Variants in NRXN1 observed in about 807,000 individuals in gnomAD.
NRXN1 encodes neurexin 1.
A neutral mutation model predicts 150.9 loss-of-function variants in NRXN1; 39 were observed. The observed-to-expected ratio is 0.26, with a 90% CI of 0.20 to 0.34. The LOEUF (loss-of-function observed/expected upper bound fraction) is 0.34. NRXN1 is among the 10% of genes least tolerant of loss of function. NRXN1 has a pLI of 1.00. For missense variants in NRXN1, 1,815 were observed against 1,949.9 expected (o/e 0.93, Z 1.30); for synonymous variants, 924 against 757.0 (o/e 1.22, Z -3.62).
At chr2:50,089,285 G>C (rs1178904817) in intron 19 of NRXN1, among the ~76,000 whole-genome samples, 1 of 152,112 alleles carries the variant, frequency 6.6e-6, no homozygotes, top group African/African-American at 2.4e-5. Context: ...ATAGTAACAG[G>C]ATTTATCATT....
At chr2:50,592,754 G>A (rs777796374) in intron 8 of NRXN1, among the ~76,000 whole-genome samples, 1 of 152,140 alleles carries the variant, frequency 6.6e-6, no homozygotes, top group Admixed American at 6.5e-5. Flanking sequence ...CTAGTTCAGG[G>A]GAAAAGATGC....
intron 17 of NRXN1, among the ~76,000 whole-genome samples, chr2:50,340,097 C>T (rs2077450893): frequency 3.9e-5 from 6 of 152,160 alleles, no homozygotes; most frequent in Admixed American, 3.9e-4. Flanking sequence ...ATCATCACCT[C>T]TTTAAATTTG....
chr2:51,031,910 T>A (rs1298878026), intron 1 of NRXN1, 71 bp downstream of exon 1: 3 of 152,010 alleles, frequency 2.0e-5, no homozygotes, highest in Admixed American at 1.3e-4. Flanking sequence ...TCAGTTACAA[T>A]GGGGAAAGAT....
At chr2:51,030,083 G>A (rs1268217729) in intron 1 of NRXN1, among the ~76,000 whole-genome samples, 2 of 150,966 alleles carry the variant, frequency 1.3e-5, no homozygotes, top group South Asian at 2.1e-4. Context: ...ACAGGTTCTT[G>A]AAATGGTACA....
intron 18 of NRXN1, among the ~76,000 whole-genome samples, chr2:50,142,820 G>C (rs1288060049): frequency 6.6e-6 from 1 of 151,616 alleles, no homozygotes; most frequent in East Asian, 1.9e-4. Context: ...GGCATTAAGG[G>C]AGATCAGATA....
chr2:50,251,877 TTTTG>T (rs979467563), intron 17 of NRXN1, among the ~76,000 whole-genome samples: 18 of 152,262 alleles, frequency 1.2e-4, no homozygotes, highest in African/African-American at 3.9e-4. Context: ...TTTAATGTTT[TTTTG>T]TTTGTTTGTT....
intron 2 of NRXN1, among the ~76,000 whole-genome samples, chr2:50,949,636 T>C (rs1007406126): frequency 1.3e-5 from 2 of 152,066 alleles, no homozygotes; most frequent in East Asian, 1.9e-4. Flanking sequence ...ATACATGGTG[T>C]GGTTTCATTC....
At chr2:50,544,898 G>C (rs1446068813) in intron 9 of NRXN1, among the ~76,000 whole-genome samples, 4 of 152,046 alleles carry the variant, frequency 2.6e-5, no homozygotes, top group Non-Finnish European at 5.9e-5. Context: ...TTCAAACTAA[G>C]GTATGTATGG....
intron 5 of NRXN1, among the ~76,000 whole-genome samples, chr2:50,725,312 T>C (rs966951362): frequency 6.6e-6 from 1 of 151,686 alleles, no homozygotes; most frequent in Non-Finnish European, 1.5e-5. Flanking sequence ...CTCATGTTTA[T>C]AGTGTTTATA....
rs1209937050 is a variant in NRXN1 at position 50,920,529 on chromosome 2, C to G, written c.832+1340G>C. Among the ~76,000 whole-genome samples, 3 of 151,700 alleles carry G rather than the reference C, an allele frequency of 2.0e-5. No individual in the cohort carries two copies. In the East Asian group the frequency reaches 5.8e-4, roughly 30 times the overall value. On this transcript the variant is annotated intron_variant, in intron 5 of 22. Transcript: ENST00000401669. ...ATACACATATGCATACATACAAACA[C>G]ATATACATATACTTTACTCAGCCAG...
In NRXN1 at chr2:50,430,210, G is replaced by A. The variant is rs540364972; in HGVS notation, c.3364+35232C>T. 4.6e-4 allele frequency among the ~76,000 whole-genome samples: 70 copies of A among 152,210 alleles called. 1 individual carries two copies. Among genetic ancestry groups the A allele is most frequent in the South Asian group, 3.3e-3 (16 of 4,820 alleles). ...TGACGGGGAGTTTAACCTAGGGTGA[G>A]CCATCAGTTTGTCTCCAAACCATTT... On this transcript the variant is annotated intron_variant, in intron 17 of 22. Transcript: ENST00000401669.
At chr2:50,704,196 A>G (rs1050065048) in intron 5 of NRXN1, among the ~76,000 whole-genome samples, 3 of 152,086 alleles carry the variant, frequency 2.0e-5, no homozygotes, top group African/African-American at 7.2e-5. Context: ...TCTTATATCA[A>G]CAGAGAAGAA....
chr2:50,148,575 G>C (rs868738932), intron 18 of NRXN1, among the ~76,000 whole-genome samples: 4 of 151,726 alleles, frequency 2.6e-5, no homozygotes, highest in Middle Eastern at 6.8e-3. Flanking sequence ...TGCTAGACAT[G>C]CACTTGCTTA....
chr2:50,821,593 T>G (rs187942404), intron 5 of NRXN1, among the ~76,000 whole-genome samples: 189 of 152,288 alleles, frequency 1.2e-3, no homozygotes, highest in African/African-American at 4.3e-3. Context: ...CAAGCTGTTA[T>G]AGGTTAAGTG....
intron 17 of NRXN1, among the ~76,000 whole-genome samples, chr2:50,335,888 CTG>C (rs1250877163): frequency 1.7e-5 from 2 of 115,416 alleles, no homozygotes; most frequent in African/African-American, 8.2e-5. Context: ...TCAGTCCTTT[CTG>C]TTTTTTTTTT....
Position 50,385,764 on chromosome 2 carries a change from A to G in NRXN1, c.3364+79678T>C, listed in dbSNP as rs1210985890. Among the ~76,000 whole-genome samples the G allele has an allele frequency of 2.0e-5, 3 of 152,188 alleles. No homozygotes were observed. In the East Asian group the frequency reaches 5.8e-4, roughly 29 times the overall value. On this transcript the variant is annotated intron_variant, in intron 17 of 22. Transcript: ENST00000401669. ...ATTTCCCATACTGGTCAACAATTTT[A>G]TCAATGGCTTTGATAAAAGTAACAG...
At chr2:50,306,040 A>AT (rs2074582149) in intron 17 of NRXN1, among the ~76,000 whole-genome samples, 1 of 152,194 alleles carries the variant, frequency 6.6e-6, no homozygotes, top group Admixed American at 6.5e-5. Flanking sequence ...ACCTTGTGTG[A>AT]TTATTAAAGA....
intron 17 of NRXN1, among the ~76,000 whole-genome samples, chr2:50,277,799 G>A (rs898439980): frequency 6.6e-6 from 1 of 151,934 alleles, no homozygotes; most frequent in Admixed American, 6.6e-5. Flanking sequence ...TGGAGCTGAA[G>A]GGTGCACCCA....
At chr2:50,927,693 C>T (rs980164072) in intron 2 of NRXN1, among the ~76,000 whole-genome samples, 2 of 151,888 alleles carry the variant, frequency 1.3e-5, no homozygotes, top group African/African-American at 4.8e-5. Context: ...AAGATGCTTA[C>T]TTAACAAGAT....
Sources: allele counts gnomAD v4.1 joint callset (sites outside exome capture counted in the v4.1 genomes callset), GRCh38; gene constraint gnomAD v4.1.1; transcripts MANE v1.5; gene names NCBI Gene and HGNC (gene_info 2026-07-23, HGNC 2026-07-21).